Variants in ESYT2 observed in about 807,000 individuals in gnomAD.
The protein encoded by ESYT2 is extended synaptotagmin-2.
Under a neutral mutation model 107.2 loss-of-function variants are expected in ESYT2, and 54 were observed. That is an observed-to-expected ratio of 0.50 (90% confidence interval 0.40 to 0.63). The LOEUF (loss-of-function observed/expected upper bound fraction) is 0.63. Among genes scored for constraint, ESYT2 ranks in the 30% least tolerant of loss-of-function variants. The pLI is 0.00. For synonymous variants in ESYT2, 491 were observed against 434.1 expected, an observed-to-expected ratio of 1.13 and a Z score of -1.63; for missense variants, 1,020 against 1,094.5, an observed-to-expected ratio of 0.93 and a Z score of 0.96.
chr7:158,763,287 T>C, intron 9 of ESYT2, 122 bp from the exon 10 acceptor site: 1 of 381,586 alleles, frequency 2.6e-6, no homozygotes, highest in Non-Finnish European at 4.4e-6. Flanking sequence ...TCCTTATTTA[T>C]TTATTTATTT....
At chr7:158,768,677 C>A (rs536629172) in intron 7 of ESYT2, among the ~76,000 whole-genome samples, 1 of 152,054 alleles carries the variant, frequency 6.6e-6, no homozygotes, top group African/African-American at 2.4e-5. Context: ...CTTGGCCTCC[C>A]GAAGTGCTGG....
rs375153914 is a variant in ESYT2 at position 158,737,044 on chromosome 7, G to A, written c.2399+4C>T. ...TCTATCCTCAGCTGGATAAAATACC[G>A]TACCTTTGATCAAACACTGGATTTA... On this transcript the variant is annotated splice_donor_region_variant and intron_variant, in intron 20 of 22. Transcript: ENST00000275418. 8 of 1,612,308 alleles carry A rather than the reference G, an allele frequency of 5.0e-6. No individual in the cohort carries two copies. The highest frequency in any genetic ancestry group is 2.2e-5 in the East Asian group (1 of 44,828).
In ESYT2 at chr7:158,735,626, A is replaced by C. The variant is rs1237494751; in HGVS notation, c.2400-18T>G. The C allele has an allele frequency of 1.3e-6, 2 of 1,597,718 alleles. No homozygotes were observed. The highest frequency in any genetic ancestry group is 4.5e-5 in the East Asian group (2 of 44,784). On this transcript the variant is annotated intron_variant, in intron 20 of 22. Transcript: ENST00000275418. ...AATCAAAGCTGAAATAGGAAACGAG[A>C]GCCTTACTTTATCCATCATTCTGCT...
chr7:158,781,044 ATG>A (rs762317226), intron 6 of ESYT2, among the ~76,000 whole-genome samples: 7 of 152,194 alleles, frequency 4.6e-5, no homozygotes, highest in Non-Finnish European at 7.3e-5. Context: ...GTGTGAGAAT[ATG>A]TGAGGAGTGT....
chr7:158,782,776 CCAT>C (rs1442697282), intron 6 of ESYT2, among the ~76,000 whole-genome samples: 2 of 151,546 alleles, frequency 1.3e-5, no homozygotes, highest in African/African-American at 4.9e-5. Flanking sequence ...AAATGTGTGT[CCAT>C]GAGAACAAAT....
At position 158,733,932 on chromosome 7, in the gene ESYT2, G is replaced by A. The variant is rs912784932; in HGVS notation, c.*275C>T. 36 of 451,992 alleles carry A rather than the reference G, an allele frequency of 8.0e-5. No individual in the cohort carries two copies. The highest frequency in any genetic ancestry group is 3.6e-4 in the African/African-American group (18 of 50,386). 28.0% of individuals were successfully genotyped at this position (451,992 alleles called of 1,614,324 possible). ...AAGCACAGACACATCCGACTCCTAC[G>A]GACACAGCTGAGCAGAGTCCACAGA... On this transcript the variant is annotated 3_prime_UTR_variant, in exon 23 of 23. Coordinates refer to ENST00000275418, the MANE Select transcript of ESYT2 (RefSeq NM_001367773.1).
intron 1 of ESYT2, among the ~76,000 whole-genome samples, chr7:158,806,887 C>A (rs756465596): frequency 6.6e-6 from 1 of 151,958 alleles, no homozygotes; most frequent in Non-Finnish European, 1.5e-5. Flanking sequence ...CAAATATACA[C>A]GCTTATGTTT....
intron 1 of ESYT2, among the ~76,000 whole-genome samples, chr7:158,811,339 C>G (rs984539779): frequency 1.1e-4 from 16 of 152,202 alleles, no homozygotes; most frequent in Admixed American, 1.0e-3. Flanking sequence ...TTCAGAGTTC[C>G]TTGTTCGTGG....
chr7:158,812,116 G>A (rs1840009214), intron 1 of ESYT2, among the ~76,000 whole-genome samples: 1 of 152,216 alleles, frequency 6.6e-6, no homozygotes, highest in Non-Finnish European at 1.5e-5. Context: ...CACAGCCACA[G>A]GCCGGCTCAG....
intron 3 of ESYT2, among the ~76,000 whole-genome samples, chr7:158,797,400 G>C (rs1373201476): frequency 6.6e-6 from 1 of 152,026 alleles, no homozygotes; most frequent in African/African-American, 2.4e-5. Context: ...CCAAAGTGCT[G>C]GGGTCACAAG....
At chr7:158,754,389 T>C (rs1240136504) in intron 13 of ESYT2, among the ~76,000 whole-genome samples, 3 of 151,910 alleles carry the variant, frequency 2.0e-5, no homozygotes, top group Non-Finnish European at 4.4e-5. Context: ...TGTATTTTTT[T>C]TTTACTAGAG....
At chr7:158,764,513 G>C (rs1341902813) in intron 9 of ESYT2, among the ~76,000 whole-genome samples, 164 bp downstream of exon 9, 1 of 152,200 alleles carries the variant, frequency 6.6e-6, no homozygotes, top group Admixed American at 6.5e-5. Flanking sequence ...GTAGTAAGGA[G>C]AGAAGGTACG....
chr7:158,824,291 A>G (rs2129474390), intron 1 of ESYT2, among the ~76,000 whole-genome samples: 1 of 152,340 alleles, frequency 6.6e-6, no homozygotes, highest in East Asian at 1.9e-4. Context: ...GACCACTCGG[A>G]TTCAGGTGCT....
chr7:158,793,129 T>C (rs1245926229), intron 4 of ESYT2, among the ~76,000 whole-genome samples: 1 of 152,202 alleles, frequency 6.6e-6, no homozygotes, highest in Non-Finnish European at 1.5e-5. Flanking sequence ...GTTAGTTTCC[T>C]TCTATTCCTA....
intron 21 of ESYT2, among the ~76,000 whole-genome samples, chr7:158,735,182 G>A (rs915967584): frequency 2.8e-4 from 42 of 152,176 alleles, no homozygotes; most frequent in African/African-American, 8.2e-4. Context: ...GTGAAATACG[G>A]ACAAAGAGTA....
chr7:158,777,910 A>C (rs1226760340), intron 6 of ESYT2, among the ~76,000 whole-genome samples: 1 of 152,226 alleles, frequency 6.6e-6, no homozygotes, highest in Non-Finnish European at 1.5e-5. Context: ...CAGAGCCATG[A>C]AGTGAGCACA....
chr7:158,806,591 C>A (rs1393307458), intron 1 of ESYT2, among the ~76,000 whole-genome samples: 3 of 152,212 alleles, frequency 2.0e-5, no homozygotes, highest in African/African-American at 7.2e-5. Flanking sequence ...TGTCAACAGA[C>A]TTATTTACAT....
chr7:158,771,915 T>A (rs1229620858), intron 7 of ESYT2, among the ~76,000 whole-genome samples: 3 of 152,036 alleles, frequency 2.0e-5, no homozygotes, highest in Non-Finnish European at 4.4e-5. Context: ...GCTCAGGAGT[T>A]CAAGACCAGC....
chr7:158,798,974 T>C (rs1839554629), intron 2 of ESYT2, 57 bp downstream of exon 2: 12 of 1,520,160 alleles, frequency 7.9e-6, no homozygotes, highest in African/African-American at 1.4e-5. Context: ...TATGGAAAGA[T>C]GGTATCTCAT....
Sources: allele counts gnomAD v4.1 joint callset (sites outside exome capture counted in the v4.1 genomes callset), GRCh38; gene constraint gnomAD v4.1.1; transcripts MANE v1.5; gene names NCBI Gene and HGNC (gene_info 2026-07-23, HGNC 2026-07-21).